Variants in TMEM156 observed in about 807,000 individuals in gnomAD.
The protein encoded by TMEM156 is transmembrane protein 156.
A neutral mutation model predicts 30.5 loss-of-function variants in TMEM156; 28 were observed. The ratio of observed to expected loss-of-function variants is 0.92; its 90% confidence interval spans 0.68 to 1.26. The LOEUF (loss-of-function observed/expected upper bound fraction) is 1.26, where lower values mean the gene tolerates loss of function less well. TMEM156 is among the 50% of genes most tolerant of loss of function. TMEM156 has a pLI of 0.00. For synonymous variants in TMEM156, 137 were observed against 119.9 expected (o/e 1.14, Z -0.93); for missense variants, 351 against 340.6 (o/e 1.03, Z -0.24).
chr4:39,030,306 A>G (rs1715441006), intron 1 of TMEM156, among the ~76,000 whole-genome samples: 1 of 152,180 alleles, frequency 6.6e-6, no homozygotes, highest in Non-Finnish European at 1.5e-5. Flanking sequence ...TTGGGAGCTG[A>G]TATAACCAGT....
chr4:38,972,714 C>T lies in TMEM156; in HGVS notation c.824-1577G>A, dbSNP rs1474113907. 3.9e-5 allele frequency among the ~76,000 whole-genome samples: 6 copies of T among 152,136 alleles called. No homozygotes were observed. In the East Asian group the frequency reaches 7.7e-4, roughly 19 times the overall value. ...CTGAGCAACCTTTCACGTGTGTAAG[C>T]GCCAGCCGTTTGTATTTCCTTTTCT... is the stretch of plus-strand genomic sequence containing the variant. On this transcript the variant is annotated intron_variant, in intron 5 of 6. Coordinates refer to ENST00000381938, the MANE Select transcript of TMEM156 (RefSeq NM_024943.3).
intron 2 of TMEM156, among the ~76,000 whole-genome samples, chr4:38,998,126 G>A (rs189524096): frequency 1.3e-5 from 2 of 152,212 alleles, no homozygotes; most frequent in African/African-American, 4.8e-5. Flanking sequence ...GCATTTTGAT[G>A]TATTTTAAGA....
intron 5 of TMEM156, among the ~76,000 whole-genome samples, chr4:38,976,013 G>A (rs115255178): frequency 0.055 from 8,344 of 151,886 alleles, 334 homozygotes; most frequent in Middle Eastern, 0.15. Flanking sequence ...CAGGCTGGGC[G>A]CAGTGGCTCA....
At chr4:39,023,784 G>A (rs369158673) in intron 1 of TMEM156, among the ~76,000 whole-genome samples, 31 of 152,146 alleles carry the variant, frequency 2.0e-4, no homozygotes, top group Admixed American at 3.3e-4. Context: ...AACCCAGGAC[G>A]CAGAGGTTGC....
intron 5 of TMEM156, among the ~76,000 whole-genome samples, chr4:38,972,982 C>T (rs1271615844): frequency 6.6e-6 from 1 of 152,018 alleles, no homozygotes; most frequent in Non-Finnish European, 1.5e-5. Context: ...TTAGAAAGAC[C>T]AATTTTGCAG....
chr4:39,015,497 A>C (rs534352404), intron 1 of TMEM156, among the ~76,000 whole-genome samples: 3 of 152,334 alleles, frequency 2.0e-5, no homozygotes, highest in South Asian at 4.1e-4. Context: ...AGCTTCCAGA[A>C]GCTGGAAACA....
chr4:38,998,242 G>A (rs566134604), intron 2 of TMEM156, among the ~76,000 whole-genome samples: 2 of 152,204 alleles, frequency 1.3e-5, no homozygotes, highest in African/African-American at 2.4e-5. Context: ...AGTGCCACTG[G>A]ATCTAAAAAT....
chr4:39,027,340 C>T (rs747652761), intron 1 of TMEM156, among the ~76,000 whole-genome samples: 6 of 152,104 alleles, frequency 3.9e-5, no homozygotes, highest in Admixed American at 1.3e-4. Flanking sequence ...TGAACATATG[C>T]TCATATTATG....
intron 5 of TMEM156, among the ~76,000 whole-genome samples, chr4:38,984,521 G>A (rs1000040262): frequency 6.6e-6 from 1 of 151,436 alleles, no homozygotes; most frequent in Non-Finnish European, 1.5e-5. Flanking sequence ...TTTTCTACCC[G>A]TGTTACTGCA....
At chr4:38,969,996 G>T (rs928089309) in intron 6 of TMEM156, among the ~76,000 whole-genome samples, 1 of 152,136 alleles carries the variant, frequency 6.6e-6, no homozygotes, top group Non-Finnish European at 1.5e-5. Flanking sequence ...TTTCTGTAGT[G>T]GCTATACTCT....
intron 5 of TMEM156, among the ~76,000 whole-genome samples, chr4:38,977,334 G>A (rs1170741864): frequency 2.6e-5 from 4 of 152,172 alleles, no homozygotes; most frequent in Non-Finnish European, 5.9e-5. Flanking sequence ...GTTTGCTGGT[G>A]TTTATAGCAT....
At chr4:39,015,797 T>C (rs1460819524) in intron 1 of TMEM156, among the ~76,000 whole-genome samples, 1 of 152,128 alleles carries the variant, frequency 6.6e-6, no homozygotes, top group African/African-American at 2.4e-5. Context: ...ACGGGGGCTG[T>C]TTCTCCCATA....
intron 1 of TMEM156, among the ~76,000 whole-genome samples, chr4:39,026,346 T>A (rs975551281): frequency 3.0e-5 from 4 of 134,894 alleles, no homozygotes; most frequent in Non-Finnish European, 6.3e-5. Context: ...AGACCCTGTC[T>A]CTCTTAAAAA....
chr4:39,009,335 C>G (rs1713952283), intron 1 of TMEM156, among the ~76,000 whole-genome samples: 1 of 152,110 alleles, frequency 6.6e-6, no homozygotes, highest in Admixed American at 6.6e-5. Flanking sequence ...AGAGCTGCTA[C>G]CAATCCTACT....
chr4:38,985,443 C>T (rs73236687), intron 5 of TMEM156, among the ~76,000 whole-genome samples: 17,096 of 152,114 alleles, frequency 0.11, 1,230 homozygotes, highest in African/African-American at 0.2. Flanking sequence ...ATTTAAATGG[C>T]TAACAAAAGC....
chr4:39,021,736 TC>T (rs776135537), intron 1 of TMEM156, among the ~76,000 whole-genome samples: 1 of 152,362 alleles, frequency 6.6e-6, no homozygotes, highest in East Asian at 1.9e-4. Flanking sequence ...TTGATATTTT[TC>T]CCTATGTTTC....
At chr4:39,010,568 A>G (rs1054335888) in intron 1 of TMEM156, among the ~76,000 whole-genome samples, 1 of 152,184 alleles carries the variant, frequency 6.6e-6, no homozygotes, top group African/African-American at 2.4e-5. Context: ...ACATTAATAG[A>G]CACATAGACT....
At chr4:38,987,415 T>C (rs1443965615) in intron 4 of TMEM156, among the ~76,000 whole-genome samples, 3 of 152,234 alleles carry the variant, frequency 2.0e-5, no homozygotes, top group African/African-American at 4.8e-5. Flanking sequence ...TTGATTATGT[T>C]ATTAACCACT....
At chr4:39,005,719 A>G (rs1560376267) in intron 1 of TMEM156, among the ~76,000 whole-genome samples, 1 of 152,206 alleles carries the variant, frequency 6.6e-6, no homozygotes, top group Non-Finnish European at 1.5e-5. Flanking sequence ...TACGTAAATT[A>G]TATGTCTGTG....
Sources: allele counts gnomAD v4.1 joint callset (sites outside exome capture counted in the v4.1 genomes callset), GRCh38; gene constraint gnomAD v4.1.1; transcripts MANE v1.5; gene names NCBI Gene and HGNC (gene_info 2026-07-23, HGNC 2026-07-21).